The following PPP4R2 variants were observed in gnomAD, a reference collection of about 807,000 sequenced individuals.
PPP4R2 encodes serine/threonine-protein phosphatase 4 regulatory subunit 2.
In PPP4R2, 13 loss-of-function variants were observed where a neutral mutation model predicts 47.2. The ratio of observed to expected loss-of-function variants is 0.28; its 90% CI spans 0.18 to 0.44. The LOEUF is 0.44. PPP4R2 is among the 20% of genes least tolerant of loss of function. The pLI, the probability that PPP4R2 is intolerant of heterozygous loss-of-function variation, is 1.00. For synonymous variants in PPP4R2, 151 were observed against 163.3 expected, an observed-to-expected ratio of 0.92 and a Z score of 0.57; for missense variants, 421 against 491.2, an observed-to-expected ratio of 0.86 and a Z score of 1.35.
chr3:73,062,347 A>G (rs781041841), intron 5 of PPP4R2: 9 of 1,607,584 alleles, frequency 5.6e-6, no homozygotes, highest in Non-Finnish European at 7.6e-6. Context: ...TATCCACTGG[A>G]TGCATTGGAA....
chr3:73,005,361 A>G lies in PPP4R2; in HGVS notation c.116+7203A>G, dbSNP rs574775892. On this transcript the variant is annotated intron_variant, in intron 2 of 8. Transcript: ENST00000356692. The stretch of plus-strand genomic sequence containing the variant: ...TCTTTTTTTTTTTTTTTATCCACTT[A>G]TCTACACACTGGTGGTGTAGTCTTT... Among the ~76,000 whole-genome samples the G allele has an allele frequency of 2.7e-5, 4 of 148,022 alleles. No individual in the cohort carries two copies. In the East Asian group the frequency reaches 7.9e-4, roughly 29 times the overall value.
intron 2 of PPP4R2, among the ~76,000 whole-genome samples, chr3:73,005,132 G>A (rs1445312594): frequency 5.9e-5 from 9 of 151,964 alleles, no homozygotes; most frequent in Admixed American, 1.3e-4. Flanking sequence ...TAGTAGAGAC[G>A]GGGTTTCACC....
chr3:73,018,343 G>A (rs1701883611), intron 2 of PPP4R2, among the ~76,000 whole-genome samples: 2 of 148,392 alleles, frequency 1.3e-5, no homozygotes. Context: ...GCAGATTTTG[G>A]TATACACAGG....
At chr3:73,006,260 T>C (rs763122653) in intron 2 of PPP4R2, among the ~76,000 whole-genome samples, 1 of 146,382 alleles carries the variant, frequency 6.8e-6, no homozygotes, top group African/African-American at 2.6e-5. Context: ...AATACAGTGG[T>C]ATGATCTCGG....
At chr3:73,020,478 C>T (rs1701935903) in intron 2 of PPP4R2, among the ~76,000 whole-genome samples, 1 of 151,956 alleles carries the variant, frequency 6.6e-6, no homozygotes. Context: ...GCCTGGGTAA[C>T]ATAACATGCT....
intron 2 of PPP4R2, among the ~76,000 whole-genome samples, chr3:73,021,902 T>A (rs6776711): frequency 0.057 from 6,350 of 112,158 alleles, 517 homozygotes; most frequent in African/African-American, 0.21. Flanking sequence ...ATATATATAT[T>A]TTTTTTTTTT....
chr3:73,021,898 A>T (rs1466489443), intron 2 of PPP4R2, among the ~76,000 whole-genome samples: 1 of 110,762 alleles, frequency 9.0e-6, no homozygotes, highest in Non-Finnish European at 1.9e-5. Context: ...GCATATATAT[A>T]TATTTTTTTT....
chr3:73,011,194 T>C (rs762386935), intron 2 of PPP4R2, among the ~76,000 whole-genome samples: 4 of 152,202 alleles, frequency 2.6e-5, no homozygotes, highest in Non-Finnish European at 4.4e-5. Flanking sequence ...ATGCGGAGCT[T>C]TCAGGCCAGG....
intron 2 of PPP4R2, among the ~76,000 whole-genome samples, chr3:73,017,761 C>G (rs1048960038): frequency 2.0e-5 from 3 of 151,388 alleles, no homozygotes; most frequent in Admixed American, 6.6e-5. Context: ...GAGTCTTGCT[C>G]TGTCGCCCAG....
intron 2 of PPP4R2, among the ~76,000 whole-genome samples, chr3:73,027,617 G>A (rs1057367867): frequency 4.0e-5 from 6 of 151,778 alleles, no homozygotes; most frequent in Non-Finnish European, 8.8e-5. Context: ...GCCAGACTTT[G>A]TATTTGTTTT....
chr3:73,014,948 C>G, intron 2 of PPP4R2: 1 of 696,132 alleles, frequency 1.4e-6, no homozygotes, highest in Non-Finnish European at 2.6e-6. Context: ...AAGTGATCCA[C>G]CTGCCTCAAC....
chr3:73,009,073 A>G (rs898022170), intron 2 of PPP4R2, among the ~76,000 whole-genome samples: 4 of 152,174 alleles, frequency 2.6e-5, no homozygotes, highest in African/African-American at 9.7e-5. Flanking sequence ...TAATTATTCT[A>G]CTTTTAGTGA....
At chr3:73,046,063 A>T (rs1702480709) in intron 2 of PPP4R2, among the ~76,000 whole-genome samples, 1 of 152,198 alleles carries the variant, frequency 6.6e-6, no homozygotes, top group Admixed American at 6.5e-5. Context: ...CTTTAAGTGG[A>T]ACAGATTTTT....
At position 73,066,788 on chromosome 3, in the gene PPP4R2, A is replaced by C. The variant is rs1316035181; in HGVS notation, c.*1066A>C. 1 of 152,084 alleles carries C rather than the reference A, an allele frequency of 6.6e-6. No individual in the cohort carries two copies. Among genetic ancestry groups the C allele is most frequent in the African/African-American group, 2.4e-5 (1 of 41,452 alleles). 9.4% of individuals were successfully genotyped at this position (152,084 alleles called of 1,614,324 possible). A position where few individuals can be genotyped will look rare whatever the true frequency, so the allele number is the denominator to read the frequency against. On this transcript the variant is annotated 3_prime_UTR_variant, in exon 9 of 9. Transcript: ENST00000356692. Reference sequence around the variant, plus strand: ...CTTTAGTATGTACCTGAGCTAAATGACTGAAGCTTTAGGGGTGCATAGAAA... The same window carrying C: ...CTTTAGTATGTACCTGAGCTAAATGCCTGAAGCTTTAGGGGTGCATAGAAA...
chr3:73,001,997 A>C (rs1701473409), intron 2 of PPP4R2, among the ~76,000 whole-genome samples: 1 of 149,342 alleles, frequency 6.7e-6, no homozygotes. Context: ...CTCCCCTTTT[A>C]TCTCTCCTGT....
chr3:73,027,112 C>A (rs1702082117), intron 2 of PPP4R2, among the ~76,000 whole-genome samples: 1 of 152,068 alleles, frequency 6.6e-6, no homozygotes, highest in African/African-American at 2.4e-5. Flanking sequence ...CATTACAGTT[C>A]AAATATGAAT....
intron 3 of PPP4R2, among the ~76,000 whole-genome samples, chr3:73,048,463 CCAGGCTGGT>C (rs1276497799): frequency 3.3e-5 from 5 of 152,016 alleles, no homozygotes; most frequent in African/African-American, 9.7e-5. Flanking sequence ...ACCATGCTGG[CCAGGCTGGT>C]CTCCAACTCC....
chr3:73,040,385 A>G (rs1375162497), intron 2 of PPP4R2, among the ~76,000 whole-genome samples: 1 of 152,120 alleles, frequency 6.6e-6, no homozygotes, highest in Admixed American at 6.5e-5. Context: ...CAATAATTTC[A>G]CTTACAGAAA....
At chr3:73,016,491 T>C (rs1006774460) in intron 2 of PPP4R2, among the ~76,000 whole-genome samples, 1 of 152,160 alleles carries the variant, frequency 6.6e-6, no homozygotes, top group Non-Finnish European at 1.5e-5. Flanking sequence ...GACTGCTTTA[T>C]AGGAGAAAGC....
Sources: allele counts gnomAD v4.1 joint callset (sites outside exome capture counted in the v4.1 genomes callset), GRCh38; gene constraint gnomAD v4.1.1; transcripts MANE v1.5; gene names NCBI Gene and HGNC (gene_info 2026-07-23, HGNC 2026-07-21).